The following NAV2 variants were observed in gnomAD, a reference collection of about 807,000 sequenced individuals.
NAV2 encodes helicase, APC down-regulated 1.
NAV2 carries 54 observed loss-of-function variants against 223.2 expected under a neutral mutation model. That is an observed-to-expected ratio of 0.24 (90% CI 0.19 to 0.30). The LOEUF is 0.30. NAV2 is among the 10% of genes least tolerant of loss of function. The probability of loss-of-function intolerance (pLI) is 1.00; values close to 1 mark genes in which losing one functional copy is unlikely to be tolerated. For missense variants in NAV2, 2,806 were observed against 3,147.5 expected (o/e 0.89, Z 2.60); for synonymous variants, 1,279 against 1,239.3 (o/e 1.03, Z -0.67).
At chr11:19,450,240 C>T (rs897142493) in intron 1 of NAV2, among the ~76,000 whole-genome samples, 2 of 152,182 alleles carry the variant, frequency 1.3e-5, no homozygotes, top group African/African-American at 4.8e-5. Context: ...CCTAATTTCC[C>T]TGCACAGCGT....
chr11:19,738,652 G>T (rs186278959), intron 1 of NAV2, among the ~76,000 whole-genome samples: 37 of 152,260 alleles, frequency 2.4e-4, no homozygotes, highest in Non-Finnish European at 3.7e-4. Context: ...AATGGTTCCT[G>T]GCCATTGTGA....
intron 1 of NAV2, among the ~76,000 whole-genome samples, chr11:19,631,157 C>T (rs1218932648): frequency 2.7e-5 from 4 of 149,650 alleles, no homozygotes; most frequent in Admixed American, 2.7e-4. Flanking sequence ...GCACAATGTG[C>T]AGGTTAGTTA....
intron 1 of NAV2, among the ~76,000 whole-genome samples, chr11:19,553,300 T>C (rs1374941838): frequency 6.6e-6 from 1 of 152,200 alleles, no homozygotes; most frequent in African/African-American, 2.4e-5. Flanking sequence ...AATCTTGGGC[T>C]TCTCACTTGT....
intron 1 of NAV2, among the ~76,000 whole-genome samples, chr11:19,829,953 G>A (rs1197848120): frequency 1.3e-5 from 2 of 152,206 alleles, no homozygotes; most frequent in Non-Finnish European, 2.9e-5. Context: ...GGGACCGGGT[G>A]CGGTGGCTCA....
At chr11:19,682,884 A>G (rs909783175) in intron 1 of NAV2, among the ~76,000 whole-genome samples, 2 of 152,202 alleles carry the variant, frequency 1.3e-5, no homozygotes, top group African/African-American at 4.8e-5. Flanking sequence ...GGAGAGGACA[A>G]ACATCCAAAA....
chr11:19,883,699 C>A (rs190817685), intron 5 of NAV2, among the ~76,000 whole-genome samples: 97 of 152,234 alleles, frequency 6.4e-4, no homozygotes, highest in Middle Eastern at 6.8e-3. Flanking sequence ...ATAAGTTTAA[C>A]TTTTTCTTTT....
chr11:19,776,818 G>A (rs908337856), intron 1 of NAV2, among the ~76,000 whole-genome samples: 1 of 151,888 alleles, frequency 6.6e-6, no homozygotes. Context: ...GTGAGGCGCC[G>A]GCTGGTGTCT....
intron 1 of NAV2, among the ~76,000 whole-genome samples, chr11:19,387,545 A>T (rs1849090225): frequency 6.6e-6 from 1 of 152,040 alleles, no homozygotes; most frequent in African/African-American, 2.4e-5. Context: ...AGTGGAACGG[A>T]AAAGTATATT....
intron 5 of NAV2, among the ~76,000 whole-genome samples, chr11:19,888,888 G>T (rs772448143): frequency 1.3e-5 from 2 of 152,044 alleles, no homozygotes; most frequent in African/African-American, 2.4e-5. Flanking sequence ...ACCAACCTCC[G>T]AGATCTTCAT....
chr11:19,648,681 G>A (rs538980675), intron 1 of NAV2, among the ~76,000 whole-genome samples: 33 of 152,164 alleles, frequency 2.2e-4, no homozygotes, highest in Non-Finnish European at 4.6e-4. Flanking sequence ...GATCACAGGC[G>A]TGGACTTTTT....
chr11:19,815,278 G>A (rs546152353), intron 1 of NAV2, among the ~76,000 whole-genome samples: 2 of 152,292 alleles, frequency 1.3e-5, no homozygotes, highest in East Asian at 3.9e-4. Context: ...AGGCTGCTGG[G>A]ATATTGGACA....
At chr11:19,652,071 A>G (rs753732436) in intron 1 of NAV2, among the ~76,000 whole-genome samples, 3 of 152,184 alleles carry the variant, frequency 2.0e-5, no homozygotes, top group Non-Finnish European at 4.4e-5. Context: ...GAGTGACCTT[A>G]TTTCATAATA....
chr11:19,913,906 C>T (rs888017186), intron 6 of NAV2, among the ~76,000 whole-genome samples: 11 of 152,204 alleles, frequency 7.2e-5, no homozygotes, highest in Non-Finnish European at 1.3e-4. Flanking sequence ...TGGATAAAAC[C>T]TTGTCTTGGC....
intron 16 of NAV2, 136 bp from the exon 17 acceptor site, chr11:20,051,153 G>A (rs553645489): frequency 2.5e-5 from 18 of 709,252 alleles, no homozygotes; most frequent in African/African-American, 1.1e-4. Flanking sequence ...TGCATTGCAC[G>A]CCTAGCTGGA....
intron 3 of NAV2, among the ~76,000 whole-genome samples, chr11:19,849,193 A>C (rs572209957): frequency 2.0e-5 from 3 of 152,312 alleles, no homozygotes; most frequent in Admixed American, 1.3e-4. Flanking sequence ...TTCTTTACCT[A>C]GGGAGAGGCA....
chr11:19,803,847 CGT>C (rs1274939425), intron 1 of NAV2, among the ~76,000 whole-genome samples: 1 of 152,098 alleles, frequency 6.6e-6, no homozygotes, highest in Non-Finnish European at 1.5e-5. Context: ...ACTTGTTTGA[CGT>C]GTGTTTCCTC....
intron 20 of NAV2, among the ~76,000 whole-genome samples, chr11:20,064,095 G>A (rs2058884651): frequency 6.6e-6 from 1 of 152,198 alleles, no homozygotes; most frequent in South Asian, 2.1e-4. Flanking sequence ...TTTATATAGA[G>A]TAACCTTGGA....
chr11:20,051,281 T>C lies in NAV2; in HGVS notation c.4437-8T>C. 7 of 1,613,908 alleles carry C rather than the reference T, an allele frequency of 4.3e-6. No individual in the cohort carries two copies. The highest frequency in any genetic ancestry group is 5.9e-6 in the Non-Finnish European group (7 of 1,179,758). On this transcript the variant is annotated splice_region_variant and splice_polypyrimidine_tract_variant and intron_variant, in intron 16 of 37. Transcript: ENST00000349880. ...GAAGTTCTTATTTTTGTTTTAACTT[T>C]CCTACAGTGACCCGCACCTTGATAG...
intron 1 of NAV2, among the ~76,000 whole-genome samples, chr11:19,815,501 T>C (rs1252607181): frequency 6.6e-6 from 1 of 152,248 alleles, no homozygotes; most frequent in Non-Finnish European, 1.5e-5. Flanking sequence ...ACATCTTATA[T>C]GCCTGCATGG....
Sources: allele counts gnomAD v4.1 joint callset (sites outside exome capture counted in the v4.1 genomes callset), GRCh38; gene constraint gnomAD v4.1.1; transcripts MANE v1.5; gene names NCBI Gene and HGNC (gene_info 2026-07-23, HGNC 2026-07-21).